Variants in LRFN5 observed in about 807,000 individuals in gnomAD.
LRFN5 encodes the protein leucine-rich repeat and fibronectin type-III domain-containing protein 5.
A neutral mutation model predicts 45.6 loss-of-function variants in LRFN5; 24 were observed. The ratio of observed to expected loss-of-function variants is 0.53; its 90% confidence interval spans 0.38 to 0.74. LRFN5 has a LOEUF of 0.74. Among genes scored for constraint, LRFN5 ranks in the 30% least tolerant of loss-of-function variants. The probability of loss-of-function intolerance (pLI) is 0.00; values close to 1 mark genes in which losing one functional copy is unlikely to be tolerated. For missense variants in LRFN5, 776 were observed against 861.5 expected (o/e 0.90, Z 1.24); for synonymous variants, 340 against 313.8 (o/e 1.08, Z -0.88).
In LRFN5 at chr14:41,887,646, A is replaced by C; in HGVS notation, c.1021A>C (p.Thr341Pro). 1 of 1,614,228 alleles carries C rather than the reference A, an allele frequency of 6.2e-7. No individual in the cohort carries two copies. The highest frequency in any genetic ancestry group is 8.5e-7 in the Non-Finnish European group (1 of 1,180,046). ...ATRSLVYDNG[T>P]LDILITTVKD... is the part of the protein sequence containing the mutation. ...AAGATCTCTGGTGTATGATAACGGA[A>C]CACTTGACATTCTTATCACAACTGT... The change falls in exon 3 of 6, where the codon ACA (threonine) becomes CCA (proline). Residue 341 changes from threonine (T) to proline (P), a missense_variant. Transcript: ENST00000298119. The surrounding 1 kb of genome is among the most constrained non-coding windows in gnomAD (Gnocchi z 4.8).
intron 2 of LRFN5, among the ~76,000 whole-genome samples, chr14:41,832,508 T>G (rs1888520039): frequency 6.6e-6 from 1 of 152,192 alleles, no homozygotes; most frequent in South Asian, 2.1e-4. Flanking sequence ...ATTATTATAC[T>G]AGCAGCACTA....
intron 1 of LRFN5, among the ~76,000 whole-genome samples, chr14:41,754,439 C>A (rs1447585801): frequency 6.6e-6 from 1 of 152,106 alleles, no homozygotes; most frequent in Admixed American, 6.5e-5. Flanking sequence ...GCCTCAATTT[C>A]AGAGCTTGTT....
intron 2 of LRFN5, among the ~76,000 whole-genome samples, chr14:41,868,262 AT>A: frequency 6.6e-6 from 1 of 152,206 alleles, no homozygotes; most frequent in Non-Finnish European, 1.5e-5. Flanking sequence ...TGAATAGCAG[AT>A]GACAAGGTTC....
intron 1 of LRFN5, among the ~76,000 whole-genome samples, chr14:41,609,408 A>G (rs1427698859): frequency 2.0e-5 from 3 of 151,966 alleles, no homozygotes. Flanking sequence ...TACAAGGAGC[A>G]GGTTGGATTT....
At chr14:41,789,662 C>G (rs1451915278) in intron 2 of LRFN5, among the ~76,000 whole-genome samples, 1 of 151,970 alleles carries the variant, frequency 6.6e-6, no homozygotes, top group African/African-American at 2.4e-5. Context: ...ATCTTAGCCT[C>G]TCACTCACTT....
At chr14:41,759,339 A>G (rs1885547634) in intron 1 of LRFN5, among the ~76,000 whole-genome samples, 1 of 151,952 alleles carries the variant, frequency 6.6e-6, no homozygotes, top group Non-Finnish European at 1.5e-5. Context: ...CTAATTTTCA[A>G]TTGCTTAATA....
chr14:41,654,786 A>C (rs1880298249), intron 1 of LRFN5, among the ~76,000 whole-genome samples: 1 of 152,090 alleles, frequency 6.6e-6, no homozygotes, highest in Non-Finnish European at 1.5e-5. Flanking sequence ...AAAAACAAGT[A>C]GAAACCAGGG....
At chr14:41,793,304 T>C (rs1444930871) in intron 2 of LRFN5, among the ~76,000 whole-genome samples, 1 of 152,010 alleles carries the variant, frequency 6.6e-6, no homozygotes, top group African/African-American at 2.4e-5. Flanking sequence ...CTAAATCATA[T>C]GTAAGGCACA....
intron 1 of LRFN5, among the ~76,000 whole-genome samples, chr14:41,687,649 A>G (rs1242178236): frequency 6.6e-6 from 1 of 152,252 alleles, no homozygotes; most frequent in African/African-American, 2.4e-5. Context: ...ATGGAATACT[A>G]TGCAGCCATA....
rs375213734 is a variant in LRFN5 at position 41,904,198 on chromosome 14, T to C, written c.*23T>C. On this transcript the variant is annotated 3_prime_UTR_variant, in exon 6 of 6. Transcript: ENST00000298119. ...TGAAGAGCACCACTTCTCCTCTCTC[T>C]CCTGAAAAAATTTGCCACTGATATT... The C allele has an allele frequency of 5.6e-6, 9 of 1,609,800 alleles. No homozygotes were observed. Among genetic ancestry groups the C allele is most frequent in the South Asian group, 1.1e-5 (1 of 90,832 alleles).
intron 2 of LRFN5, among the ~76,000 whole-genome samples, chr14:41,845,494 A>C (rs1350532930): frequency 6.6e-6 from 1 of 152,030 alleles, no homozygotes; most frequent in Non-Finnish European, 1.5e-5. Context: ...ATCCTATGTG[A>C]AGTTTGTAAA....
At chr14:41,697,924 A>G (rs1205865848) in intron 1 of LRFN5, among the ~76,000 whole-genome samples, 2 of 151,952 alleles carry the variant, frequency 1.3e-5, no homozygotes, top group African/African-American at 2.4e-5. Context: ...GAAGTAGGCT[A>G]TGTCACTGAT....
chr14:41,758,781 T>G (rs1397671655), intron 1 of LRFN5, among the ~76,000 whole-genome samples: 2 of 152,198 alleles, frequency 1.3e-5, no homozygotes, highest in Admixed American at 6.5e-5. Context: ...CCTTCATAGT[T>G]TAACTTTGTT....
chr14:41,817,081 T>A (rs1177219215), intron 2 of LRFN5, among the ~76,000 whole-genome samples: 1 of 149,776 alleles, frequency 6.7e-6, no homozygotes, highest in Non-Finnish European at 1.5e-5. Flanking sequence ...CCCATGAAGG[T>A]AATTCTTTAT....
At chr14:41,701,080 C>G (rs988675554) in intron 1 of LRFN5, 2 of 152,092 alleles carry the variant, frequency 1.3e-5, no homozygotes, top group Non-Finnish European at 2.9e-5. Context: ...GGTAACATAT[C>G]TGATTGAGTT....
chr14:41,765,575 G>C lies in LRFN5; in HGVS notation c.-196-1279G>C, dbSNP rs369836638. Reference sequence around the variant, plus strand: ...CATGCATATATGAATGTGAAAGTTAGCTTAAAATATATTCATGGAAGGAAA... The same window carrying C: ...CATGCATATATGAATGTGAAAGTTACCTTAAAATATATTCATGGAAGGAAA... On this transcript the variant is annotated intron_variant, in intron 1 of 5. Transcript: ENST00000298119. Among the ~76,000 whole-genome samples the C allele has an allele frequency of 3.5e-4, 54 of 152,242 alleles. 1 individual carries two copies. In the East Asian group the frequency reaches 7.1e-3, roughly 20 times the overall value.
intron 2 of LRFN5, among the ~76,000 whole-genome samples, chr14:41,785,411 G>T (rs1886682396): frequency 6.6e-6 from 1 of 151,800 alleles, no homozygotes; most frequent in African/African-American, 2.4e-5. Flanking sequence ...TCCTCTGTTG[G>T]ATTATATACT....
intron 1 of LRFN5, among the ~76,000 whole-genome samples, chr14:41,736,512 T>C (rs1884437719): frequency 6.6e-6 from 1 of 152,180 alleles, no homozygotes; most frequent in South Asian, 2.1e-4. Flanking sequence ...GTCAGATGGA[T>C]AGATTGCAAA....
chr14:41,733,050 T>TA (rs1382094847), intron 1 of LRFN5, among the ~76,000 whole-genome samples: 15 of 150,218 alleles, frequency 1.0e-4, no homozygotes, highest in African/African-American at 3.7e-4. Context: ...GAAAAGAAAG[T>TA]TAAAAAAAAA....
Sources: allele counts gnomAD v4.1 joint callset (sites outside exome capture counted in the v4.1 genomes callset), GRCh38; gene constraint gnomAD v4.1.1; non-coding constraint Gnocchi (gnomAD v3.1); transcripts MANE v1.5; gene names NCBI Gene and HGNC (gene_info 2026-07-23, HGNC 2026-07-21).